The following CMTM4 variants were observed in gnomAD, a reference collection of about 807,000 sequenced individuals.
CMTM4 encodes CKLF-like MARVEL transmembrane domain-containing protein 4.
In CMTM4, 8 loss-of-function variants were observed where a neutral mutation model predicts 19.0. The ratio of observed to expected loss-of-function variants is 0.42; its 90% CI spans 0.25 to 0.76. The LOEUF is 0.76. Ranked by LOEUF, CMTM4 falls within the 30% of genes least tolerant of loss-of-function variation. CMTM4 has a pLI of 0.27. For missense variants in CMTM4, 228 were observed against 290.2 expected (o/e 0.79, Z 1.56); for synonymous variants, 106 against 121.1 (o/e 0.88, Z 0.82).
At chr16:66,693,675 CAG>C (rs969752811) in intron 1 of CMTM4, among the ~76,000 whole-genome samples, 1 of 152,130 alleles carries the variant, frequency 6.6e-6, no homozygotes, top group Non-Finnish European at 1.5e-5. Flanking sequence ...TAACAAACAA[CAG>C]AGTTAGGCGA....
chr16:66,667,970 T>G (rs1293330934), intron 1 of CMTM4, among the ~76,000 whole-genome samples: 1 of 149,370 alleles, frequency 6.7e-6, no homozygotes, highest in Non-Finnish European at 1.5e-5. Flanking sequence ...TTTCCCTGTT[T>G]TTTTGTTTTT....
downstream of CMTM4, among the ~76,000 whole-genome samples, chr16:66,611,552 AC>A (rs2144755694): frequency 6.6e-6 from 1 of 152,156 alleles, no homozygotes; most frequent in African/African-American, 2.4e-5. Context: ...GGCTGCCCAC[AC>A]CCCAGCCCTG....
intron 1 of CMTM4, among the ~76,000 whole-genome samples, chr16:66,690,485 C>T (rs1045918000): frequency 3.9e-5 from 6 of 152,252 alleles, no homozygotes; most frequent in Non-Finnish European, 8.8e-5. Flanking sequence ...ATTTGTGTTG[C>T]ATATGATTTC....
Position 66,621,463 on chromosome 16 carries a change from G to T in CMTM4, c.*595C>A, listed in dbSNP as rs549474733. The T allele has an allele frequency of 2.0e-6, 2 of 986,036 alleles. No individual in the cohort carries two copies. The highest frequency in any genetic ancestry group is 2.4e-6 in the Non-Finnish European group (2 of 830,052). 61.1% of individuals were successfully genotyped at this position (986,036 alleles called of 1,614,324 possible). A position where few individuals can be genotyped will look rare whatever the true frequency, so the allele number is the denominator to read the frequency against. On this transcript the variant is annotated 3_prime_UTR_variant, in exon 4 of 4. Coordinates refer to ENST00000394106, the MANE Select transcript of CMTM4 (RefSeq NM_181521.3). ...AATCAAGTGATTTCTCAGCAGAGTAGGAAACAAAAGGTCACCCTTCCTTGA... is the reference window on the plus strand; with the variant it reads ...AATCAAGTGATTTCTCAGCAGAGTATGAAACAAAAGGTCACCCTTCCTTGA...
intron 1 of CMTM4, among the ~76,000 whole-genome samples, chr16:66,661,838 C>G (rs1324750863): frequency 1.3e-5 from 2 of 152,198 alleles, no homozygotes; most frequent in East Asian, 3.9e-4. Flanking sequence ...GAGGCTGAGG[C>G]AGGAGAATTG....
Position 66,618,395 on chromosome 16 carries a change from C to A in CMTM4, c.*3663G>T. 1.0e-6 allele frequency: 1 copy of A among 985,454 alleles called. No individual in the cohort carries two copies. Among genetic ancestry groups the A allele is most frequent in the South Asian group, 4.7e-5 (1 of 21,288 alleles). The allele number at this position is 985,454 out of a possible 1,614,324, so 61.0% of individuals were successfully genotyped here. On this transcript the variant is annotated 3_prime_UTR_variant, in exon 4 of 4. Transcript: ENST00000394106. ...ATAGGAACCCTTAAATCATCACTGC[C>A]TTGCAGAATCACTAAATTGTTCAGG... is the stretch of plus-strand genomic sequence containing the variant.
chr16:66,621,727 GC>G lies in CMTM4; in HGVS notation c.*330del. ...CCTTCATATTTCCCCCCTCTTAGCAGCCCCATTTAATCCAAAGTCTTGTTAC... is the reference window on the plus strand; with the variant it reads ...CCTTCATATTTCCCCCCTCTTAGCAGCCCATTTAATCCAAAGTCTTGTTAC... On this transcript the variant is annotated 3_prime_UTR_variant, in exon 4 of 4. Coordinates refer to ENST00000394106, the MANE Select transcript of CMTM4 (RefSeq NM_181521.3). 9.0e-7 allele frequency: 1 copy of G among 1,117,308 alleles called. No homozygotes were observed. The highest frequency in any genetic ancestry group is 1.1e-6 in the Non-Finnish European group (1 of 908,332). 69.2% of individuals were successfully genotyped at this position (1,117,308 alleles called of 1,614,324 possible). A position where few individuals can be genotyped will look rare whatever the true frequency, so the allele number is the denominator to read the frequency against.
In CMTM4 at chr16:66,615,047, GC is replaced by G. The variant is rs2015500300; in HGVS notation, c.*7010del. On this transcript the variant is annotated 3_prime_UTR_variant, in exon 4 of 4. Transcript: ENST00000394106. This position sits in a 1 kb window ranked among gnomAD's most constrained non-coding sequence, Gnocchi z 4.9. ...CCAAAAGCCAGGCCAGCCAGGGGAC[GC>G]CCACCCAGGGCTTCCACGTCAGCTG... The G allele has an allele frequency of 6.6e-6, 1 of 152,230 alleles. No homozygotes were observed. Among genetic ancestry groups the G allele is most frequent in the Non-Finnish European group, 1.5e-5 (1 of 68,064 alleles). The allele number at this position is 152,230 out of a possible 1,614,324, so 9.4% of individuals were successfully genotyped here. A position where few individuals can be genotyped will look rare whatever the true frequency, so the allele number is the denominator to read the frequency against.
chr16:66,638,347 C>T (rs1005368678), intron 1 of CMTM4, among the ~76,000 whole-genome samples: 1 of 152,160 alleles, frequency 6.6e-6, no homozygotes, highest in Non-Finnish European at 1.5e-5. Flanking sequence ...TGTCTTCAGG[C>T]GAATGGAAGA....
chr16:66,606,433 GCCTTA>G, the CMTM4 span, among the ~76,000 whole-genome samples: 10 of 152,148 alleles, frequency 6.6e-5, no homozygotes, highest in Admixed American at 6.5e-4. Flanking sequence ...CCGTCTCTAT[GCCTTA>G]GTCTATCTTT....
intron 1 of CMTM4, among the ~76,000 whole-genome samples, chr16:66,692,749 A>G (rs1200410387): frequency 1.3e-5 from 2 of 151,818 alleles, no homozygotes; most frequent in African/African-American, 4.8e-5. Flanking sequence ...CTACTAAAAA[A>G]TAGAAAACTT....
intron 2 of CMTM4, among the ~76,000 whole-genome samples, chr16:66,627,479 A>G (rs1327503274): frequency 6.6e-6 from 1 of 152,248 alleles, no homozygotes; most frequent in Non-Finnish European, 1.5e-5. Flanking sequence ...CATATACCCA[A>G]TTAAAGTATA....
intron 1 of CMTM4, among the ~76,000 whole-genome samples, chr16:66,669,263 G>A (rs188594123): frequency 1.8e-3 from 280 of 152,168 alleles, no homozygotes; most frequent in African/African-American, 6.5e-3. Context: ...GTGACATTCT[G>A]GAAATGACAA....
At chr16:66,692,717 C>A (rs1430382450) in intron 1 of CMTM4, among the ~76,000 whole-genome samples, 1 of 151,990 alleles carries the variant, frequency 6.6e-6, no homozygotes, top group Non-Finnish European at 1.5e-5. Context: ...ACCAGCCTGG[C>A]CAACATGGGG....
intron 2 of CMTM4, among the ~76,000 whole-genome samples, chr16:66,631,355 G>C (rs1298730773): frequency 1.3e-5 from 2 of 149,536 alleles, no homozygotes; most frequent in African/African-American, 4.9e-5. Context: ...GGGAGGTGAG[G>C]GGCGCCTCTG....
chr16:66,645,928 G>C (rs1055924687), intron 1 of CMTM4, among the ~76,000 whole-genome samples: 1 of 151,226 alleles, frequency 6.6e-6, no homozygotes, highest in African/African-American at 2.4e-5. Flanking sequence ...ACAGTGAGCT[G>C]AGATTGCGCC....
the CMTM4 span, among the ~76,000 whole-genome samples, chr16:66,600,015 A>G: frequency 6.6e-6 from 1 of 151,612 alleles, no homozygotes; most frequent in Non-Finnish European, 1.5e-5. Flanking sequence ...ACGTTCATAT[A>G]TGTCTTTTAG....
intron 2 of CMTM4, among the ~76,000 whole-genome samples, chr16:66,625,012 AT>A (rs139401215): frequency 0.049 from 7,430 of 152,322 alleles, 294 homozygotes; most frequent in East Asian, 0.11. Context: ...AGAATATAAA[AT>A]ATACTTCCCA....
chr16:66,620,732 A>G lies in CMTM4; in HGVS notation c.*1326T>C. Reference sequence around the variant, plus strand: ...GTGAGGGCTAAACACAAAATGTTAGAGCTAAAGTGAGGTTTGTAAACATTA... The same window carrying G: ...GTGAGGGCTAAACACAAAATGTTAGGGCTAAAGTGAGGTTTGTAAACATTA... On this transcript the variant is annotated 3_prime_UTR_variant, in exon 4 of 4. Coordinates refer to ENST00000394106, the MANE Select transcript of CMTM4 (RefSeq NM_181521.3). 1.0e-6 allele frequency: 1 copy of G among 985,890 alleles called. No homozygotes were observed. The highest frequency in any genetic ancestry group is 1.2e-6 in the Non-Finnish European group (1 of 829,940). 61.1% of individuals were successfully genotyped at this position (985,890 alleles called of 1,614,324 possible).
Sources: gnomAD v4.1 joint callset for allele counts (sites outside exome capture counted in the v4.1 genomes callset) on GRCh38, gnomAD v4.1.1 for gene constraint, Gnocchi (gnomAD v3.1) non-coding constraint, MANE v1.5 for transcripts, NCBI Gene and HGNC (gene_info 2026-07-23, HGNC 2026-07-21) for gene names.